RNF150: variants seen among roughly 807,000 people sequenced by gnomAD.
RNF150 encodes ring finger protein 150.
In RNF150, 24 loss-of-function variants were observed where a neutral mutation model predicts 39.3. The ratio of observed to expected loss-of-function variants is 0.61; its 90% CI spans 0.44 to 0.86. RNF150 has a LOEUF of 0.86. Ranked by LOEUF, RNF150 falls within the 40% of genes least tolerant of loss-of-function variation. The pLI is 0.00. For missense variants in RNF150, 502 were observed against 587.8 expected (o/e 0.85, Z 1.51); for synonymous variants, 255 against 227.3 (o/e 1.12, Z -1.10).
intron 1 of RNF150, among the ~76,000 whole-genome samples, chr4:141,000,017 G>GAAAAGAAGAA (rs1560679011): frequency 6.0e-5 from 2 of 33,550 alleles, no homozygotes; most frequent in African/African-American, 9.2e-5. Flanking sequence ...AGAAGAAGAA[G>GAAAAGAAGAA]AAGAAGAAGA....
intron 6 of RNF150, among the ~76,000 whole-genome samples, chr4:140,888,271 G>A (rs748645447): frequency 6.6e-6 from 1 of 152,188 alleles, no homozygotes; most frequent in Non-Finnish European, 1.5e-5. Context: ...CTTAGCTACA[G>A]AAAAGAGGCT....
chr4:141,142,919 G>C (rs565795256), intron 1 of RNF150, among the ~76,000 whole-genome samples: 202 of 151,374 alleles, frequency 1.3e-3, no homozygotes, highest in Non-Finnish European at 1.5e-3. Context: ...ACCCAGGCTG[G>C]AGTGCAGTGG....
At chr4:141,060,637 A>T (rs1050633086) in intron 1 of RNF150, among the ~76,000 whole-genome samples, 3 of 152,176 alleles carry the variant, frequency 2.0e-5, no homozygotes, top group African/African-American at 7.2e-5. Context: ...ATTATCTACC[A>T]ATGTGAATTA....
intron 1 of RNF150, among the ~76,000 whole-genome samples, chr4:141,064,609 T>TAACAAC (rs34490674): frequency 1.3e-5 from 2 of 151,026 alleles, no homozygotes; most frequent in Non-Finnish European, 2.9e-5. Flanking sequence ...GCACCATCTC[T>TAACAAC]AACAACAACA....
chr4:140,959,356 C>T (rs570995828), intron 2 of RNF150, among the ~76,000 whole-genome samples: 3 of 152,048 alleles, frequency 2.0e-5, no homozygotes, highest in African/African-American at 7.2e-5. Flanking sequence ...TTCCACTGGG[C>T]TGGAATATGA....
At chr4:140,908,513 C>CCAT (rs2111266290) in intron 6 of RNF150, among the ~76,000 whole-genome samples, 1 of 152,100 alleles carries the variant, frequency 6.6e-6, no homozygotes, top group South Asian at 2.1e-4. Context: ...TTTCTTTATC[C>CCAT]CATCTTTACC....
intron 1 of RNF150, among the ~76,000 whole-genome samples, chr4:141,125,076 C>G (rs1171862305): frequency 6.6e-6 from 1 of 152,146 alleles, no homozygotes; most frequent in East Asian, 1.9e-4. Flanking sequence ...TTTATAACCA[C>G]AAATGTGAAA....
At chr4:141,171,538 G>A (rs753997148) in intron 1 of RNF150, among the ~76,000 whole-genome samples, 2 of 152,028 alleles carry the variant, frequency 1.3e-5, no homozygotes, top group Non-Finnish European at 2.9e-5. Flanking sequence ...CACAGAATGG[G>A]GGAACTGAAT....
At chr4:141,113,337 TAAAA>T (rs35017497) in intron 1 of RNF150, among the ~76,000 whole-genome samples, 1 of 139,058 alleles carries the variant, frequency 7.2e-6, no homozygotes, top group African/African-American at 2.7e-5. Context: ...AATGGAAAGT[TAAAA>T]AAAAAAAAAA....
intron 1 of RNF150, among the ~76,000 whole-genome samples, chr4:141,066,189 C>T (rs11945028): frequency 6.6e-6 from 1 of 151,116 alleles, no homozygotes; most frequent in Admixed American, 6.6e-5. Flanking sequence ...GATGCAAGAA[C>T]ATTAGAACAG....
intron 6 of RNF150, among the ~76,000 whole-genome samples, chr4:140,909,350 T>TGTC (rs1368840554): frequency 1.3e-5 from 2 of 152,194 alleles, no homozygotes; most frequent in African/African-American, 4.8e-5. Flanking sequence ...AGTTTTACAG[T>TGTC]GTCTCAATAG....
chr4:141,186,244 C>T (rs1240080480), intron 1 of RNF150, among the ~76,000 whole-genome samples: 1 of 152,142 alleles, frequency 6.6e-6, no homozygotes, highest in Non-Finnish European at 1.5e-5. Context: ...TCGACTTCTT[C>T]CTGGTTAATC....
chr4:141,017,789 G>A (rs1188972024), intron 1 of RNF150, among the ~76,000 whole-genome samples: 2 of 152,128 alleles, frequency 1.3e-5, no homozygotes, highest in East Asian at 3.8e-4. Flanking sequence ...TTAGCAATAT[G>A]CATTTAATAA....
At chr4:141,047,469 C>T (rs1452909180) in intron 1 of RNF150, among the ~76,000 whole-genome samples, 2 of 152,008 alleles carry the variant, frequency 1.3e-5, no homozygotes, top group Non-Finnish European at 2.9e-5. Flanking sequence ...CAGATGGTGA[C>T]TCATAGGATA....
At chr4:140,873,704 G>T (rs1267225492) in intron 6 of RNF150, among the ~76,000 whole-genome samples, 1 of 152,066 alleles carries the variant, frequency 6.6e-6, no homozygotes, top group Non-Finnish European at 1.5e-5. Flanking sequence ...TTGAGACAGG[G>T]TCTCTCTCTG....
chr4:141,146,278 G>A (rs1727199416), intron 1 of RNF150, among the ~76,000 whole-genome samples: 1 of 152,228 alleles, frequency 6.6e-6, no homozygotes, highest in South Asian at 2.1e-4. Context: ...GAGGAAAAAT[G>A]TCTGCAGGAG....
At chr4:141,115,550 T>C (rs1319254105) in intron 1 of RNF150, among the ~76,000 whole-genome samples, 2 of 152,014 alleles carry the variant, frequency 1.3e-5, no homozygotes, top group African/African-American at 4.8e-5. Flanking sequence ...TATCGTGAAA[T>C]TGGCCATACT....
At chr4:141,201,302 T>C (rs1322260873) in intron 1 of RNF150, among the ~76,000 whole-genome samples, 1 of 152,162 alleles carries the variant, frequency 6.6e-6, no homozygotes, top group East Asian at 1.9e-4. Context: ...TTATGAAGCA[T>C]TTTCATTTTA....
chr4:141,164,815 T>TGGAAAG (rs1727572442), intron 1 of RNF150, among the ~76,000 whole-genome samples: 1 of 151,030 alleles, frequency 6.6e-6, no homozygotes, highest in Non-Finnish European at 1.5e-5. Flanking sequence ...GCACTAAATA[T>TGGAAAG]GAAAAACTGG....
Sources: allele counts gnomAD v4.1 joint callset (sites outside exome capture counted in the v4.1 genomes callset), GRCh38; gene constraint gnomAD v4.1.1; transcripts MANE v1.5; gene names NCBI Gene and HGNC (gene_info 2026-07-23, HGNC 2026-07-21).